PTH1R: variants seen among roughly 807,000 people sequenced by gnomAD.
PTH1R encodes parathyroid hormone/parathyroid hormone-related peptide receptor.
In PTH1R, 32 loss-of-function variants were observed where a neutral mutation model predicts 70.7. That is an observed-to-expected ratio of 0.45 (90% CI 0.34 to 0.61). The LOEUF (loss-of-function observed/expected upper bound fraction) is 0.61, where lower values mean the gene tolerates loss of function less well. Among genes scored for constraint, PTH1R ranks in the 20% least tolerant of loss-of-function variants. PTH1R has a pLI of 0.01. For synonymous variants in PTH1R, 329 were observed against 324.8 expected, an observed-to-expected ratio of 1.01 and a Z score of -0.14; for missense variants, 626 against 792.5, an observed-to-expected ratio of 0.79 and a Z score of 2.52.
At position 46,901,969 on chromosome 3, in the gene PTH1R, A is replaced by G. The variant is rs1267684909; in HGVS notation, c.1211+109A>G. ...CCATGAATGATCCTGGGGCAAGGGA[A>G]AGGACCCAGCGTCTGACTCCCTGGC... On this transcript the variant is annotated intron_variant, in intron 13 of 15. Coordinates refer to ENST00000449590, the MANE Select transcript of PTH1R (RefSeq NM_000316.3). The surrounding 1 kb of genome is among the most constrained non-coding windows in gnomAD (Gnocchi z 7.3). The G allele has an allele frequency of 1.6e-6, 2 of 1,214,110 alleles. No individual in the cohort carries two copies. The highest frequency in any genetic ancestry group is 2.5e-5 in the East Asian group (1 of 39,824). 75.2% of individuals were successfully genotyped at this position (1,214,110 alleles called of 1,614,324 possible). A position where few individuals can be genotyped will look rare whatever the true frequency, so the allele number is the denominator to read the frequency against.
At chr3:46,888,911 C>T (rs2031212810) in intron 3 of PTH1R, among the ~76,000 whole-genome samples, 1 of 152,222 alleles carries the variant, frequency 6.6e-6, no homozygotes, top group South Asian at 2.1e-4. Context: ...CCCCCCAGCC[C>T]CTCCCAGCCC....
chr3:46,879,221 CT>C lies in PTH1R; in HGVS notation c.-106+1379del, dbSNP rs1469352211. Reference sequence around the variant, plus strand: ...GACCCAGCACCCATCAGATTCCTCTCTGCAGCCCTCTCCACAGCCCACCCTC... The same window carrying C: ...GACCCAGCACCCATCAGATTCCTCTCGCAGCCCTCTCCACAGCCCACCCTC... On this transcript the variant is annotated intron_variant, in intron 1 of 15. Coordinates refer to ENST00000449590, the MANE Select transcript of PTH1R (RefSeq NM_000316.3). The surrounding 1 kb of genome is among the most constrained non-coding windows in gnomAD (Gnocchi z 4.7). Among the ~76,000 whole-genome samples the C allele has an allele frequency of 6.6e-6, 1 of 152,222 alleles. No individual in the cohort carries two copies. Among genetic ancestry groups the C allele is most frequent in the Admixed American group, 6.5e-5 (1 of 15,288 alleles).
chr3:46,903,394 A>C lies in PTH1R; in HGVS notation c.1520A>C (p.Asn507Thr). The change falls in exon 16 of 16, where the codon AAT (asparagine) becomes ACT (threonine). Residue 507 changes from asparagine (N) to threonine (T), a missense_variant. Asn to Thr is a moderately conservative substitution (Grantham distance 65). This residue lies in a region of PTH1R where 495 missense variants were observed against 638.7 expected (regional missense o/e 0.77). Coordinates refer to ENST00000449590, the MANE Select transcript of PTH1R (RefSeq NM_000316.3). The surrounding 1 kb of genome is among the most constrained non-coding windows in gnomAD (Gnocchi z 4.4). ...GPMVSHTSVT[N>T]VGPRVGLGLP... ...ATGGTGTCCCACACAAGTGTGACCA[A>C]TGTCGGCCCCCGTGTGGGACTCGGC... The C allele has an allele frequency of 6.2e-7, 1 of 1,613,488 alleles. No homozygotes were observed. The highest frequency in any genetic ancestry group is 8.5e-7 in the Non-Finnish European group (1 of 1,179,846).
intron 3 of PTH1R, among the ~76,000 whole-genome samples, chr3:46,890,432 C>G (rs2031339447): frequency 6.6e-6 from 1 of 150,874 alleles, no homozygotes; most frequent in Non-Finnish European, 1.5e-5. Flanking sequence ...TAGCAACCAG[C>G]TTTTCCTGAG....
At chr3:46,899,707 G>T (rs1399706685) in intron 10 of PTH1R, among the ~76,000 whole-genome samples, 1 of 152,200 alleles carries the variant, frequency 6.6e-6, no homozygotes, top group African/African-American at 2.4e-5. Context: ...AGAGGGAAAG[G>T]AGGAACCATC....
rs1350458038 is a variant in PTH1R at position 46,896,638 on chromosome 3, C to T, written c.313+769C>T. On this transcript the variant is annotated intron_variant, in intron 5 of 15. Transcript: ENST00000449590. This position sits in a 1 kb window ranked among gnomAD's most constrained non-coding sequence, Gnocchi z 4.1. Reference sequence around the variant, plus strand: ...GGCGCCCAGGACAGAGAGCCTTTCACCAAGCCAGGGCGGGTCCAGCCATCA... The same window carrying T: ...GGCGCCCAGGACAGAGAGCCTTTCATCAAGCCAGGGCGGGTCCAGCCATCA... Among the ~76,000 whole-genome samples the T allele has an allele frequency of 5.9e-5, 9 of 152,190 alleles. No individual in the cohort carries two copies. The highest frequency in any genetic ancestry group is 8.8e-5 in the Non-Finnish European group (6 of 68,036).
Position 46,882,474 on chromosome 3 carries a change from G to A in PTH1R, c.-48-1038G>A, listed in dbSNP as rs1030609602. 16 of 151,676 alleles carry A rather than the reference G, an allele frequency of 1.1e-4. 1 individual carries two copies. The highest frequency in any genetic ancestry group is 3.9e-4 in the African/African-American group (16 of 41,414). 9.4% of individuals were successfully genotyped at this position (151,676 alleles called of 1,614,324 possible). A position where few individuals can be genotyped will look rare whatever the true frequency, so the allele number is the denominator to read the frequency against. ...CGGCGGCGCGCTCGGAGTAAGTCGG[G>A]GCTGGGGACCCGCGCCGAGGGGAAG... On this transcript the variant is annotated intron_variant, in intron 2 of 15. Coordinates refer to ENST00000449590, the MANE Select transcript of PTH1R (RefSeq NM_000316.3). The surrounding 1 kb of genome is among the most constrained non-coding windows in gnomAD (Gnocchi z 4.3).
At position 46,898,474 on chromosome 3, in the gene PTH1R, T is replaced by TGGGCG. The variant is rs754612921; in HGVS notation, c.638+13_638+17dup. The TGGGCG allele has an allele frequency of 1.1e-5, 17 of 1,611,724 alleles. No homozygotes were observed. The African/African-American group carries it at 1.2e-4, about 11-fold the overall frequency. On this transcript the variant is annotated splice_region_variant and intron_variant, in intron 8 of 15. Coordinates refer to ENST00000449590, the MANE Select transcript of PTH1R (RefSeq NM_000316.3). The stretch of plus-strand genomic sequence containing the variant: ...TGTGCTCATCCTGGCCTACTTTAGG[T>TGGGCG]GGGCGGGGCGGGGCGAGAGGCGGCG...
chr3:46,893,170 G>T lies in PTH1R; in HGVS notation c.76-737G>T, dbSNP rs1037336906. 6.6e-6 allele frequency among the ~76,000 whole-genome samples: 1 copy of T among 152,092 alleles called. No individual in the cohort carries two copies. The highest frequency in any genetic ancestry group is 2.4e-5 in the African/African-American group (1 of 41,408). ...GGAGGGAAGGGAAAGGACATTCCAGGCAGAGAACAGCAGGAGTGAGGGCCT... is the reference window on the plus strand; with the variant it reads ...GGAGGGAAGGGAAAGGACATTCCAGTCAGAGAACAGCAGGAGTGAGGGCCT... On this transcript the variant is annotated intron_variant, in intron 3 of 15. Transcript: ENST00000449590. The surrounding 1 kb of genome is among the most constrained non-coding windows in gnomAD (Gnocchi z 5.2).
rs1446002459 is a variant in PTH1R at position 46,895,802 on chromosome 3, G to C, written c.246G>C (p.Lys82Asn). ...CATCAGGGAAGCCCAGGAAAGATAA[G>C]GCATCTGGGAAGCTCTACCCTGAGT... ...ASTSGKPRKD[K>N]ASGKLYPESE... Residue 82 changes from lysine (K) to asparagine (N), a missense_variant, in exon 5 of 16, where the codon AAG becomes AAC. Transcript: ENST00000449590. 9.9e-6 allele frequency: 16 copies of C among 1,614,126 alleles called. No individual in the cohort carries two copies. Among genetic ancestry groups the C allele is most frequent in the Non-Finnish European group, 1.3e-5 (15 of 1,180,034 alleles).
rs765105267 is a variant in PTH1R at position 46,903,532 on chromosome 3, C to G, written c.1658C>G (p.Pro553Arg). The change falls in exon 16 of 16, where the codon CCT (proline) becomes CGT (arginine). Residue 553 changes from proline to arginine, a missense_variant. By Grantham distance (103) the Pro-to-Arg change is moderately radical (BLOSUM62 -2). Transcript: ENST00000449590. This position sits in a 1 kb window ranked among gnomAD's most constrained non-coding sequence, Gnocchi z 4.4. ...PALETLETTP[P>R]AMAAPKDDGF... ...CTGGAGACCCTCGAGACCACACCAC[C>G]TGCCATGGCTGCTCCCAAGGACGAT... The G allele has an allele frequency of 1.2e-6, 2 of 1,614,056 alleles. No individual in the cohort carries two copies. The highest frequency in any genetic ancestry group is 1.7e-6 in the Non-Finnish European group (2 of 1,180,036).
chr3:46,886,812 C>CTG (rs1048238590), intron 3 of PTH1R, among the ~76,000 whole-genome samples: 49 of 152,340 alleles, frequency 3.2e-4, no homozygotes, highest in African/African-American at 1.1e-3. Context: ...CACAGTGAGT[C>CTG]TGTGGCACAG....
chr3:46,901,713 T>TGCCCC lies in PTH1R; in HGVS notation c.1117-47_1117-43dup. 1 of 1,567,264 alleles carries TGCCCC rather than the reference T, an allele frequency of 6.4e-7. No individual in the cohort carries two copies. The highest frequency in any genetic ancestry group is 1.4e-5 in the African/African-American group (1 of 73,968). On this transcript the variant is annotated intron_variant, in intron 12 of 15. Coordinates refer to ENST00000449590, the MANE Select transcript of PTH1R (RefSeq NM_000316.3). The surrounding 1 kb of genome is among the most constrained non-coding windows in gnomAD (Gnocchi z 7.3). ...GCCTATGGCCGTGGCTGCCAGGCCT[T>TGCCCC]GCCCCGCCCCACTAGGGTGCAGCCT...
In PTH1R at chr3:46,893,830, C is replaced by T. The variant is rs529742353; in HGVS notation, c.76-77C>T. The T allele has an allele frequency of 3.0e-5, 41 of 1,383,840 alleles. No homozygotes were observed. In the African/African-American group the frequency reaches 5.8e-4, roughly 20 times the overall value. 85.7% of individuals were successfully genotyped at this position (1,383,840 alleles called of 1,614,324 possible). A position where few individuals can be genotyped will look rare whatever the true frequency, so the allele number is the denominator to read the frequency against. On this transcript the variant is annotated intron_variant, in intron 3 of 15. Coordinates refer to ENST00000449590, the MANE Select transcript of PTH1R (RefSeq NM_000316.3). This position sits in a 1 kb window ranked among gnomAD's most constrained non-coding sequence, Gnocchi z 5.2. ...GGCCTTTTGAAAGGGGGTAGTCCCTCTGGGAAATTGGGATGTCTCTGGGAC... is the reference window on the plus strand; with the variant it reads ...GGCCTTTTGAAAGGGGGTAGTCCCTTTGGGAAATTGGGATGTCTCTGGGAC...
chr3:46,901,753 C>T lies in PTH1R; in HGVS notation c.1117-13C>T. ...GGGTGCAGCCTCCAGACGCAGCCCCCTCACTCCCACAGCTCAACTTCATCC... is the reference window on the plus strand; with the variant it reads ...GGGTGCAGCCTCCAGACGCAGCCCCTTCACTCCCACAGCTCAACTTCATCC... On this transcript the variant is annotated splice_polypyrimidine_tract_variant and intron_variant, in intron 12 of 15. Coordinates refer to ENST00000449590, the MANE Select transcript of PTH1R (RefSeq NM_000316.3). The surrounding 1 kb of genome is among the most constrained non-coding windows in gnomAD (Gnocchi z 7.3). 1 of 1,612,622 alleles carries T rather than the reference C, an allele frequency of 6.2e-7. No individual in the cohort carries two copies. Among genetic ancestry groups the T allele is most frequent in the Non-Finnish European group, 8.5e-7 (1 of 1,178,626 alleles).
At chr3:46,881,363 G>T (rs933737727) in intron 2 of PTH1R, among the ~76,000 whole-genome samples, 2 of 152,152 alleles carry the variant, frequency 1.3e-5, no homozygotes, top group Non-Finnish European at 2.9e-5. Flanking sequence ...CCCAACCCCC[G>T]CGGACTCCTC....
chr3:46,886,093 G>C (rs1188993180), intron 3 of PTH1R, among the ~76,000 whole-genome samples: 1 of 152,184 alleles, frequency 6.6e-6, no homozygotes, highest in Admixed American at 6.5e-5. Context: ...GGAGTTTGGA[G>C]GAAGTGATAG....
intron 3 of PTH1R, among the ~76,000 whole-genome samples, chr3:46,886,662 C>G (rs989945013): frequency 5.3e-5 from 8 of 152,154 alleles, no homozygotes; most frequent in Admixed American, 6.5e-5. Context: ...CGGCCGGTTG[C>G]TTGCTTTTAA....
Position 46,899,431 on chromosome 3 carries a change from G to C in PTH1R, c.963G>C (p.Leu321=). 6.2e-7 allele frequency: 1 copy of C among 1,613,116 alleles called. No individual in the cohort carries two copies. Among genetic ancestry groups the C allele is most frequent in the African/African-American group, 1.3e-5 (1 of 75,042 alleles). ...FMAFFSEKKY[L]WGFTVFGWGL... is the part of the protein sequence containing the mutation. ...CCTTCTTCTCAGAGAAGAAGTACCT[G>C]TGGGGCTTCACAGTCTTCGGCTGGG... Residue 321 remains leucine (L), a synonymous_variant, in exon 10 of 16, where the codon CTG becomes CTC. Transcript: ENST00000449590.
Sources: gnomAD v4.1 joint callset for allele counts (sites outside exome capture counted in the v4.1 genomes callset) on GRCh38, gnomAD v4.1.1 for gene constraint, gnomAD v4.1.1 regional missense constraint, Gnocchi (gnomAD v3.1) non-coding constraint, MANE v1.5 for transcripts, NCBI Gene and HGNC (gene_info 2026-07-23, HGNC 2026-07-21) for gene names.